The following DLG2 variants were observed in gnomAD, a reference collection of about 807,000 sequenced individuals.
DLG2 encodes discs large MAGUK scaffold protein 2.
Under a neutral mutation model 132.5 loss-of-function variants are expected in DLG2, and 45 were observed. The observed-to-expected ratio is 0.34, with a 90% confidence interval of 0.27 to 0.44. The LOEUF (loss-of-function observed/expected upper bound fraction) is 0.44, where lower values mean the gene tolerates loss of function less well. Ranked by LOEUF, DLG2 falls within the 20% of genes least tolerant of loss-of-function variation. The pLI is 1.00. For missense variants in DLG2, 1,045 were observed against 1,196.9 expected (o/e 0.87, Z 1.87); for synonymous variants, 424 against 419.6 (o/e 1.01, Z -0.13).
intron 18 of DLG2, among the ~76,000 whole-genome samples, chr11:83,633,743 AACACACACACACACACACACAC>A (rs35932645): frequency 1.6e-4 from 23 of 143,202 alleles, no homozygotes; most frequent in African/African-American, 5.9e-4. Context: ...CACAGAACTA[AACACACACACACACACACACAC>A]ACACACACAC....
At chr11:83,789,433 T>C (rs1434498974) in intron 17 of DLG2, among the ~76,000 whole-genome samples, 1 of 152,232 alleles carries the variant, frequency 6.6e-6, no homozygotes, top group African/African-American at 2.4e-5. Context: ...GTGATTATTC[T>C]GCACATTGAG....
intron 8 of DLG2, among the ~76,000 whole-genome samples, chr11:84,218,470 C>A (rs1446718959): frequency 6.6e-6 from 1 of 152,072 alleles, no homozygotes; most frequent in East Asian, 1.9e-4. Context: ...TATTTCCTGG[C>A]TCCTCTTGTA....
chr11:84,740,843 C>T (rs1438622262), intron 6 of DLG2, among the ~76,000 whole-genome samples: 1 of 152,162 alleles, frequency 6.6e-6, no homozygotes, highest in East Asian at 1.9e-4. Flanking sequence ...TCTTGAGCCA[C>T]TGAGTAGATG....
chr11:84,029,242 C>G (rs1009593906), intron 11 of DLG2, among the ~76,000 whole-genome samples: 1 of 151,890 alleles, frequency 6.6e-6, no homozygotes, highest in Non-Finnish European at 1.5e-5. Flanking sequence ...AAACACTGAC[C>G]ACCAATAAAA....
At chr11:84,483,184 G>A (rs1308603156) in intron 7 of DLG2, among the ~76,000 whole-genome samples, 1 of 152,168 alleles carries the variant, frequency 6.6e-6, no homozygotes, top group Non-Finnish European at 1.5e-5. Flanking sequence ...TGTAATCCCA[G>A]CACTTTGGGA....
At chr11:85,191,997 A>T (rs1321800687) in intron 4 of DLG2, among the ~76,000 whole-genome samples, 1 of 152,208 alleles carries the variant, frequency 6.6e-6, no homozygotes, top group African/African-American at 2.4e-5. Context: ...CTATTTTACA[A>T]ATAAGAGAAA....
intron 14 of DLG2, among the ~76,000 whole-genome samples, chr11:83,931,462 A>C (rs1407006377): frequency 6.6e-6 from 1 of 152,200 alleles, no homozygotes; most frequent in Admixed American, 6.5e-5. Flanking sequence ...ACAGACTAAG[A>C]AAATGATGTT....
At chr11:83,603,123 G>C (rs2058813605) in intron 19 of DLG2, among the ~76,000 whole-genome samples, 1 of 151,870 alleles carries the variant, frequency 6.6e-6, no homozygotes, top group African/African-American at 2.4e-5. Context: ...GAGAGAGATA[G>C]ATCGCATATT....
intron 21 of DLG2, among the ~76,000 whole-genome samples, chr11:83,528,374 C>A (rs2095658683): frequency 1.3e-5 from 2 of 152,136 alleles, no homozygotes; most frequent in South Asian, 4.1e-4. Context: ...GCCTTTCTGA[C>A]CTTCTTTGTC....
At chr11:84,526,625 A>T (rs1321512363) in intron 7 of DLG2, among the ~76,000 whole-genome samples, 1 of 152,136 alleles carries the variant, frequency 6.6e-6, no homozygotes, top group Non-Finnish European at 1.5e-5. Context: ...ATATTGTTAT[A>T]ATTATATTTT....
At chr11:85,290,139 T>C (rs1310225299) in intron 3 of DLG2, among the ~76,000 whole-genome samples, 1 of 152,142 alleles carries the variant, frequency 6.6e-6, no homozygotes, top group Admixed American at 6.6e-5. Flanking sequence ...AGAAAAATCA[T>C]TGAATGAAGT....
rs1385889844 is a variant in DLG2, at chr11:85,285,223, T to C, written c.183A>G (p.Ser61=). 1 of 1,610,980 alleles carries C rather than the reference T, an allele frequency of 6.2e-7. No homozygotes were observed. Among genetic ancestry groups the C allele is most frequent in the East Asian group, 2.2e-5 (1 of 44,786 alleles). Residue 61 remains serine, a synonymous_variant, in exon 4 of 28, where the codon TCA becomes TCG. Transcript: ENST00000376104. ...APCHDRLQKS[S]ELTDCSGSKE... ...TTTGGAAGTTTCAGTAGTATACCTC[T>C]GAAGATTTTTGAAGTCTGTCATGGC...
intron 3 of DLG2, among the ~76,000 whole-genome samples, chr11:85,493,012 A>T (rs1166327486): frequency 6.6e-6 from 1 of 152,206 alleles, no homozygotes; most frequent in African/African-American, 2.4e-5. Flanking sequence ...GCTATAAAAA[A>T]AAAAGAGCTT....
At chr11:83,654,148 T>G (rs2071562374) in intron 18 of DLG2, among the ~76,000 whole-genome samples, 1 of 152,164 alleles carries the variant, frequency 6.6e-6, no homozygotes, top group Non-Finnish European at 1.5e-5. Flanking sequence ...TTCCATGCTA[T>G]TGCCACTTCT....
At chr11:85,372,134 A>G (rs2085031153) in intron 3 of DLG2, among the ~76,000 whole-genome samples, 2 of 152,232 alleles carry the variant, frequency 1.3e-5, no homozygotes, top group Non-Finnish European at 2.9e-5. Context: ...AAAGAACTAA[A>G]GGGATGGGTA....
chr11:85,515,297 G>A (rs543761563), intron 3 of DLG2, among the ~76,000 whole-genome samples: 8 of 151,990 alleles, frequency 5.3e-5, no homozygotes, highest in African/African-American at 1.9e-4. Context: ...TCTAACGGGG[G>A]CAGATACTGT....
At chr11:84,184,466 A>C (rs2096231694) in intron 8 of DLG2, among the ~76,000 whole-genome samples, 1 of 151,892 alleles carries the variant, frequency 6.6e-6, no homozygotes, top group Non-Finnish European at 1.5e-5. Context: ...GATTCTGGAT[A>C]TTAGCCCTTT....
intron 12 of DLG2, among the ~76,000 whole-genome samples, chr11:83,965,979 A>G (rs1306254312): frequency 1.3e-5 from 2 of 152,026 alleles, no homozygotes; most frequent in Non-Finnish European, 2.9e-5. Flanking sequence ...GCAGAGCATT[A>G]TGTTGCATGA....
chr11:83,841,978 G>T (rs1408654048), intron 16 of DLG2, among the ~76,000 whole-genome samples: 1 of 152,174 alleles, frequency 6.6e-6, no homozygotes, highest in Admixed American at 6.5e-5. Flanking sequence ...CAAGAGTAAG[G>T]AGCGGCCAGC....
Sources: allele counts gnomAD v4.1 joint callset (sites outside exome capture counted in the v4.1 genomes callset), GRCh38; gene constraint gnomAD v4.1.1; transcripts MANE v1.5; gene names NCBI Gene and HGNC (gene_info 2026-07-23, HGNC 2026-07-21).